MYO9B: variants seen among roughly 807,000 people sequenced by gnomAD.
The protein encoded by MYO9B is myosin IXB.
A neutral mutation model predicts 229.5 loss-of-function variants in MYO9B; 71 were observed. That is an observed-to-expected ratio of 0.31 (90% CI 0.26 to 0.38). MYO9B has a LOEUF of 0.38. Ranked by LOEUF, MYO9B falls within the 10% of genes least tolerant of loss-of-function variation. The pLI, the probability that MYO9B is intolerant of heterozygous loss-of-function variation, is 1.00. For missense variants in MYO9B, 2,255 were observed against 2,920.5 expected (o/e 0.77, Z 5.25); for synonymous variants, 1,185 against 1,235.8 (o/e 0.96, Z 0.86).
In MYO9B at chr19:17,210,329, C is replaced by T. The variant is rs1490732785; in HGVS notation, c.5749-4C>T. 6.3e-7 allele frequency: 1 copy of T among 1,595,556 alleles called. No homozygotes were observed. Among genetic ancestry groups the T allele is most frequent in the South Asian group, 1.1e-5 (1 of 87,784 alleles). On this transcript the variant is annotated splice_region_variant and splice_polypyrimidine_tract_variant and intron_variant, in intron 36 of 39. Coordinates refer to ENST00000682292, the MANE Select transcript of MYO9B (RefSeq NM_004145.4). ...TGGTCACCCTGTGTTCATCTCTCTC[C>T]CAGCCATGGCCTCTCAAACTGGGGT...
At position 17,187,974 on chromosome 19, in the gene MYO9B, C is replaced by T. The variant is rs756297467; in HGVS notation, c.2617C>T (p.Leu873=). 5 of 1,600,026 alleles carry T rather than the reference C, an allele frequency of 3.1e-6. No individual in the cohort carries two copies. Among genetic ancestry groups the T allele is most frequent in the Non-Finnish European group, 4.3e-6 (5 of 1,173,580 alleles). Residue 873 remains leucine, a synonymous_variant, in exon 19 of 40, where the codon CTG becomes TTG. Transcript: ENST00000682292. ...TGACGACGAGCTGGTCCTGCAGCAG[C>T]TGCGCTACACCGGCATGCTGGAGAC... is the stretch of plus-strand genomic sequence containing the variant. ...CFDDELVLQQ[L]RYTGMLETVR... is the part of the protein sequence containing the mutation.
At chr19:17,210,404 G>A (rs558540430) in intron 37 of MYO9B, 24 bp downstream of exon 37, 41 of 1,573,230 alleles carry the variant, frequency 2.6e-5, no homozygotes, top group East Asian at 4.6e-5. Flanking sequence ...CGGTGGGCCC[G>A]CGGTGCATGT....
At chr19:17,137,225 CAA>C (rs34273602) in intron 2 of MYO9B, among the ~76,000 whole-genome samples, 23,196 of 91,502 alleles carry the variant, frequency 0.25, 1,928 homozygotes, top group East Asian at 0.41. Flanking sequence ...CAAACTGTCT[CAA>C]AAAAAAAAAA....
chr19:17,157,224 ACCT>A, intron 7 of MYO9B, 186 bp downstream of exon 7: 2 of 663,104 alleles, frequency 3.0e-6, no homozygotes, highest in Non-Finnish European at 4.6e-6. Context: ...GGACAGGGGC[ACCT>A]CCTCCTCCCA....
In MYO9B at chr19:17,139,064, T is replaced by C. The variant is rs2072305936; in HGVS notation, c.841-6333T>C. Among the ~76,000 whole-genome samples the C allele has an allele frequency of 2.0e-5, 3 of 152,082 alleles. No homozygotes were observed. The South Asian group carries it at 6.2e-4, about 31-fold the overall frequency. ...TGGTGGCTCGCGCCTGTAGTCCCAG[T>C]TACTCTGGAGGCTGAGGCAGGAGGA... is the stretch of plus-strand genomic sequence containing the variant. On this transcript the variant is annotated intron_variant, in intron 2 of 39. Coordinates refer to ENST00000682292, the MANE Select transcript of MYO9B (RefSeq NM_004145.4).
At chr19:17,192,019 T>A (rs1391308980) in intron 20 of MYO9B, among the ~76,000 whole-genome samples, 1 of 152,020 alleles carries the variant, frequency 6.6e-6, no homozygotes, top group East Asian at 1.9e-4. Context: ...ACAGGTGGTG[T>A]GATCTCAGCT....
rs768874171 is a variant in MYO9B, at chr19:17,211,736, G to T, written c.6020G>T (p.Ser2007Ile). ...LDSETSASTE[S>I]LLEERAGRGA... ...TCGGAGACGTCGGCCAGCACCGAGA[G>T]CCTGCTGGAGGAGCGGGCCGGGCGG... The change falls in exon 39 of 40, where the codon AGC (serine) becomes ATC (isoleucine). Residue 2007 changes from serine to isoleucine, a missense_variant. Around this residue, in one of 7 missense-constraint regions of MYO9B, gnomAD observed 331 missense variants for 332.5 expected, o/e 1.00. Transcript: ENST00000682292. 1 of 1,613,150 alleles carries T rather than the reference G, an allele frequency of 6.2e-7. No homozygotes were observed. The highest frequency in any genetic ancestry group is 2.2e-5 in the East Asian group (1 of 44,850).
chr19:17,077,249 G>A (rs2057493860), intron 1 of MYO9B, among the ~76,000 whole-genome samples: 1 of 152,116 alleles, frequency 6.6e-6, no homozygotes, highest in South Asian at 2.1e-4. Flanking sequence ...TCTTTATCTG[G>A]GATCTGCCAG....
At chr19:17,085,615 G>A (rs2057574768) in intron 1 of MYO9B, among the ~76,000 whole-genome samples, 1 of 151,624 alleles carries the variant, frequency 6.6e-6, no homozygotes, top group Admixed American at 6.6e-5. Context: ...CTTGAGCCCA[G>A]AAGTTTGAGA....
intron 2 of MYO9B, among the ~76,000 whole-genome samples, chr19:17,119,325 C>T (rs2057937781): frequency 1.3e-5 from 2 of 152,214 alleles, no homozygotes; most frequent in Admixed American, 6.6e-5. Context: ...GGGTGTGGCT[C>T]CCACTGCCTT....
rs907331484 is a variant in MYO9B, at chr19:17,101,547, G to A, written c.-58-113G>A. 25 of 1,093,964 alleles carry A rather than the reference G, an allele frequency of 2.3e-5. No homozygotes were observed. The Admixed American group carries it at 3.2e-4, about 14-fold the overall frequency. The allele number at this position is 1,093,964 out of a possible 1,614,324, so 67.8% of individuals were successfully genotyped here. On this transcript the variant is annotated intron_variant, in intron 1 of 39. Coordinates refer to ENST00000682292, the MANE Select transcript of MYO9B (RefSeq NM_004145.4). The surrounding 1 kb of genome is among the most constrained non-coding windows in gnomAD (Gnocchi z 4.7). ...TGGCTTTTTGGGCGAGCCTAGTCGG[G>A]TGGGGAACTCCAGCATCGGGTCAGG... is the stretch of plus-strand genomic sequence containing the variant.
chr19:17,122,257 G>A (rs1410020012), intron 2 of MYO9B, among the ~76,000 whole-genome samples: 13 of 152,338 alleles, frequency 8.5e-5, no homozygotes, highest in Admixed American at 7.8e-4. Flanking sequence ...GTTGCCTGGA[G>A]GCTAGGCGCA....
intron 2 of MYO9B, among the ~76,000 whole-genome samples, chr19:17,106,866 C>T (rs1183480649): frequency 2.6e-5 from 4 of 152,164 alleles, no homozygotes; most frequent in Non-Finnish European, 5.9e-5. Flanking sequence ...AGTTCGAGAC[C>T]AGCCTGGCAA....
At chr19:17,150,300 C>T (rs1458879961) in intron 3 of MYO9B, among the ~76,000 whole-genome samples, 4 of 151,916 alleles carry the variant, frequency 2.6e-5, no homozygotes, top group South Asian at 2.1e-4. Context: ...CCCAGCTACT[C>T]GGGAAGCTGA....
intron 1 of MYO9B, among the ~76,000 whole-genome samples, chr19:17,087,217 C>T (rs1290115161): frequency 6.6e-6 from 1 of 152,160 alleles, no homozygotes; most frequent in Non-Finnish European, 1.5e-5. Context: ...GCGTATAGCA[C>T]AGGTCGGAGA....
chr19:17,114,850 G>C lies in MYO9B; in HGVS notation c.840+12293G>C, dbSNP rs189303281. Among the ~76,000 whole-genome samples, 813 of 151,394 alleles carry C rather than the reference G, an allele frequency of 5.4e-3. 4 individuals carry two copies. The highest frequency in any genetic ancestry group is 8.8e-3 in the Non-Finnish European group (599 of 67,960). ...CCACTGCCGGGAAACAGGATCAGCG[G>C]CCAGAGATTCCCCACTTTGGCAGAA... On this transcript the variant is annotated intron_variant, in intron 2 of 39. Transcript: ENST00000682292.
At chr19:17,174,300 G>C (rs1282534342) in intron 13 of MYO9B, among the ~76,000 whole-genome samples, 1 of 151,740 alleles carries the variant, frequency 6.6e-6, no homozygotes, top group Non-Finnish European at 1.5e-5. Context: ...CAGAGTGCTG[G>C]GATTACAGGC....
intron 2 of MYO9B, among the ~76,000 whole-genome samples, chr19:17,128,642 G>T (rs988598714): frequency 1.1e-4 from 16 of 152,266 alleles, no homozygotes; most frequent in African/African-American, 3.9e-4. Context: ...GGCGCTCAGG[G>T]TCACAGCTCT....
intron 7 of MYO9B, among the ~76,000 whole-genome samples, chr19:17,158,763 C>T (rs984414262): frequency 6.6e-6 from 1 of 152,180 alleles, no homozygotes; most frequent in Non-Finnish European, 1.5e-5. Context: ...ACCACCAGCT[C>T]CAATAGGCAA....
Sources: allele counts gnomAD v4.1 joint callset (sites outside exome capture counted in the v4.1 genomes callset), GRCh38; gene constraint gnomAD v4.1.1; regional missense constraint gnomAD v4.1.1; non-coding constraint Gnocchi (gnomAD v3.1); transcripts MANE v1.5; gene names NCBI Gene and HGNC (gene_info 2026-07-23, HGNC 2026-07-21).